Variants in SEMA5B observed in about 807,000 individuals in gnomAD.
The protein encoded by SEMA5B is semaphorin 5B, also known as semaphorin-5B.
In SEMA5B, 66 loss-of-function variants were observed where a neutral mutation model predicts 135.0. The ratio of observed to expected loss-of-function variants is 0.49; its 90% CI spans 0.40 to 0.60. The LOEUF (loss-of-function observed/expected upper bound fraction) is 0.60, where lower values mean the gene tolerates loss of function less well. Among genes scored for constraint, SEMA5B ranks in the 20% least tolerant of loss-of-function variants. The pLI, the probability that SEMA5B is intolerant of heterozygous loss-of-function variation, is 0.00. For synonymous variants in SEMA5B, 690 were observed against 639.5 expected (o/e 1.08, Z -1.19); for missense variants, 1,501 against 1,566.3 (o/e 0.96, Z 0.70).
rs1471812987 is a variant in SEMA5B at position 123,027,660 on chromosome 3, C to G, written c.-235G>C. ...CCGCTGCGCTCGGGCTCCCAGCAGC[C>G]GCTGGATGCGCTGCCGACCCGCCCG... is the stretch of plus-strand genomic sequence containing the variant. On this transcript the variant is annotated 5_prime_UTR_variant, in exon 1 of 23. Coordinates refer to ENST00000357599, the MANE Select transcript of SEMA5B (RefSeq NM_001031702.4). The G allele has an allele frequency of 6.6e-6, 1 of 152,166 alleles. No individual in the cohort carries two copies. The highest frequency in any genetic ancestry group is 2.4e-5 in the African/African-American group (1 of 41,438). 9.4% of individuals were successfully genotyped at this position (152,166 alleles called of 1,614,324 possible).
intron 3 of SEMA5B, among the ~76,000 whole-genome samples, chr3:122,947,875 A>G (rs1939861588): frequency 6.6e-6 from 1 of 151,778 alleles, no homozygotes; most frequent in African/African-American, 2.4e-5. Flanking sequence ...ATCGTGAGAG[A>G]ATGTCTGGTA....
chr3:122,910,879 G>T lies in SEMA5B; in HGVS notation c.3258C>A (p.Gly1086=). The part of the protein sequence containing the change: ...TPNHLHYKGG[G]TPKNEKYTPM... The stretch of plus-strand genomic sequence containing the variant: ...GTGTGTACTTTTCATTCTTCGGGGT[G>T]CCTCCGCCCTTGTAGTGCAAATGGT... Residue 1086 remains glycine, a synonymous_variant, in exon 22 of 23, where the codon GGC becomes GGA. Transcript: ENST00000357599. The T allele has an allele frequency of 6.2e-7, 1 of 1,613,108 alleles. No individual in the cohort carries two copies. The highest frequency in any genetic ancestry group is 8.5e-7 in the Non-Finnish European group (1 of 1,179,922).
At chr3:122,918,682 G>T (rs1347188217) in intron 12 of SEMA5B, among the ~76,000 whole-genome samples, 6 of 152,236 alleles carry the variant, frequency 3.9e-5, no homozygotes, top group Non-Finnish European at 5.9e-5. Flanking sequence ...GAGGATACCA[G>T]ATTCTTCATG....
intron 1 of SEMA5B, among the ~76,000 whole-genome samples, chr3:122,998,304 A>C (rs1304112112): frequency 6.6e-6 from 1 of 152,076 alleles, no homozygotes; most frequent in African/African-American, 2.4e-5. Flanking sequence ...TGGCCCTCAG[A>C]CTGGAGGAGC....
intron 9 of SEMA5B, 149 bp downstream of exon 9, chr3:122,926,243 C>G: frequency 4.0e-6 from 3 of 744,226 alleles, no homozygotes; most frequent in Non-Finnish European, 6.5e-6. Context: ...ACGAGCTTAC[C>G]GCTCCAGAAG....
intron 21 of SEMA5B, chr3:122,911,251 G>A: frequency 3.3e-6 from 4 of 1,212,720 alleles, no homozygotes; most frequent in Non-Finnish European, 3.4e-6. Context: ...CAAGTCAGAG[G>A]TGGCAACCAG....
intron 4 of SEMA5B, among the ~76,000 whole-genome samples, chr3:122,943,135 G>GGGCAGGGACCA (rs1260327646): frequency 5.3e-5 from 8 of 152,144 alleles, no homozygotes; most frequent in African/African-American, 1.9e-4. Flanking sequence ...TCTGACAGCC[G>GGGCAGGGACCA]GGCAGGGACC....
At chr3:122,993,331 C>G (rs1245866002) in intron 1 of SEMA5B, 1 of 152,318 alleles carries the variant, frequency 6.6e-6, no homozygotes, top group Non-Finnish European at 1.5e-5. Flanking sequence ...ACTGTCCTCC[C>G]AGCTGGCCAA....
chr3:122,911,310 C>A (rs1937685856), intron 21 of SEMA5B, 181 bp downstream of exon 21: 3 of 1,503,190 alleles, frequency 2.0e-6, no homozygotes, highest in Non-Finnish European at 2.7e-6. Context: ...TGATGATGGC[C>A]TCCTAGCTGG....
intron 12 of SEMA5B, among the ~76,000 whole-genome samples, chr3:122,918,219 A>T (rs1015665303): frequency 6.6e-6 from 1 of 152,266 alleles, no homozygotes; most frequent in Admixed American, 6.5e-5. Flanking sequence ...AACCTGAATC[A>T]GCTTATGTAA....
chr3:122,973,251 C>T lies in SEMA5B; in HGVS notation c.-38-11950G>A, dbSNP rs562684993. Among the ~76,000 whole-genome samples the T allele has an allele frequency of 3.9e-5, 6 of 152,364 alleles. No homozygotes were observed. The South Asian group carries it at 1.0e-3, about 26-fold the overall frequency. On this transcript the variant is annotated intron_variant, in intron 1 of 22. Coordinates refer to ENST00000357599, the MANE Select transcript of SEMA5B (RefSeq NM_001031702.4). ...ATGTTTATGTCCTTCTCTCCCTTTACACCCCTAGCTTCTAGTCTAGGTGCC... is the reference window on the plus strand; with the variant it reads ...ATGTTTATGTCCTTCTCTCCCTTTATACCCCTAGCTTCTAGTCTAGGTGCC...
intron 1 of SEMA5B, among the ~76,000 whole-genome samples, chr3:123,012,656 G>A (rs1379298443): frequency 1.3e-5 from 2 of 152,192 alleles, no homozygotes; most frequent in Non-Finnish European, 2.9e-5. Flanking sequence ...AGGTTAATTA[G>A]GTGTGCAGCC....
At chr3:122,918,803 C>T (rs1938201396) in intron 12 of SEMA5B, among the ~76,000 whole-genome samples, 1 of 152,158 alleles carries the variant, frequency 6.6e-6, no homozygotes, top group Non-Finnish European at 1.5e-5. Flanking sequence ...GCCTCCTTGG[C>T]TCAAGTGGAA....
chr3:122,984,108 C>G (rs1941621571), intron 1 of SEMA5B, among the ~76,000 whole-genome samples: 1 of 152,238 alleles, frequency 6.6e-6, no homozygotes, highest in African/African-American at 2.4e-5. Flanking sequence ...GCGGGCTTGC[C>G]CATAATTCTC....
intron 1 of SEMA5B, among the ~76,000 whole-genome samples, chr3:122,989,638 G>A (rs182891230): frequency 2.0e-5 from 3 of 152,302 alleles, no homozygotes; most frequent in South Asian, 2.1e-4. Context: ...GGGTAGATGC[G>A]ACCCAGCTCT....
At chr3:122,963,823 A>G (rs1940698680) in intron 1 of SEMA5B, among the ~76,000 whole-genome samples, 1 of 152,188 alleles carries the variant, frequency 6.6e-6, no homozygotes, top group Admixed American at 6.5e-5. Context: ...TACAAAGTCC[A>G]GGTTCTTTCT....
At chr3:122,981,232 A>C (rs1428222556) in intron 1 of SEMA5B, among the ~76,000 whole-genome samples, 1 of 152,246 alleles carries the variant, frequency 6.6e-6, no homozygotes, top group African/African-American at 2.4e-5. Flanking sequence ...GCATAACATA[A>C]GAGACACCTG....
intron 1 of SEMA5B, among the ~76,000 whole-genome samples, chr3:122,995,844 C>T (rs918664325): frequency 6.6e-6 from 1 of 152,242 alleles, no homozygotes; most frequent in African/African-American, 2.4e-5. Context: ...AGAACCCATT[C>T]TCACCACTCT....
At chr3:122,931,460 T>G (rs1323227242) in intron 5 of SEMA5B, among the ~76,000 whole-genome samples, 1 of 152,206 alleles carries the variant, frequency 6.6e-6, no homozygotes, top group Non-Finnish European at 1.5e-5. Context: ...TATGAACCAC[T>G]GAGAAACAAA....
Sources: gnomAD v4.1 joint callset for allele counts (sites outside exome capture counted in the v4.1 genomes callset) on GRCh38, gnomAD v4.1.1 for gene constraint, MANE v1.5 for transcripts, NCBI Gene and HGNC (gene_info 2026-07-23, HGNC 2026-07-21) for gene names.